PTPRD: variants seen among roughly 807,000 people sequenced by gnomAD.
PTPRD encodes receptor-type tyrosine-protein phosphatase delta.
PTPRD carries 34 observed loss-of-function variants against 214.5 expected under a neutral mutation model. That is an observed-to-expected ratio of 0.16 (90% confidence interval 0.12 to 0.21). The LOEUF (loss-of-function observed/expected upper bound fraction) is 0.21. PTPRD is among the 10% of genes least tolerant of loss of function. The pLI, the probability that PTPRD is intolerant of heterozygous loss-of-function variation, is 1.00. For missense variants in PTPRD, 2,545 were observed against 2,398.7 expected (o/e 1.06, Z -1.27); for synonymous variants, 1,128 against 845.7 (o/e 1.33, Z -5.79).
At chr9:10,504,931 A>C (rs1158633954) in intron 2 of PTPRD, among the ~76,000 whole-genome samples, 1 of 152,184 alleles carries the variant, frequency 6.6e-6, no homozygotes, top group Non-Finnish European at 1.5e-5. Flanking sequence ...GTGTCTATAA[A>C]GCTGACTTGT....
intron 2 of PTPRD, among the ~76,000 whole-genome samples, chr9:10,440,155 TAATAA>T (rs960881430): frequency 1.3e-5 from 2 of 151,612 alleles, no homozygotes; most frequent in African/African-American, 4.8e-5. Context: ...TCTGGCAATA[TAATAA>T]ATGTACTTTA....
At chr9:10,038,713 T>C (rs2097237274) in intron 3 of PTPRD, among the ~76,000 whole-genome samples, 1 of 152,090 alleles carries the variant, frequency 6.6e-6, no homozygotes, top group Non-Finnish European at 1.5e-5. Flanking sequence ...GTTGCACAAA[T>C]CAGATAATTT....
At chr9:9,822,333 C>T (rs2051062438) in intron 5 of PTPRD, among the ~76,000 whole-genome samples, 2 of 151,294 alleles carry the variant, frequency 1.3e-5, no homozygotes, top group East Asian at 1.9e-4. Context: ...ATCACTTGAA[C>T]CTGGGAGGCG....
chr9:9,713,368 A>G (rs1361810815), intron 7 of PTPRD, among the ~76,000 whole-genome samples: 2 of 152,128 alleles, frequency 1.3e-5, no homozygotes, highest in African/African-American at 2.4e-5. Context: ...CAAAAATGTC[A>G]CTCGTCCTCT....
At chr9:9,464,458 T>C (rs1480042635) in intron 8 of PTPRD, among the ~76,000 whole-genome samples, 1 of 152,242 alleles carries the variant, frequency 6.6e-6, no homozygotes, top group African/African-American at 2.4e-5. Flanking sequence ...TATCATTAAC[T>C]CTTGCCTAAT....
At chr9:8,928,419 A>G (rs2098919655) in intron 11 of PTPRD, among the ~76,000 whole-genome samples, 2 of 152,172 alleles carry the variant, frequency 1.3e-5, no homozygotes, top group Admixed American at 1.3e-4. Flanking sequence ...TTTTCTGCAT[A>G]TGGCTAGCCA....
chr9:9,538,334 A>C (rs1416045087), intron 8 of PTPRD, among the ~76,000 whole-genome samples: 1 of 152,016 alleles, frequency 6.6e-6, no homozygotes, highest in Admixed American at 6.6e-5. Context: ...TTTAGGGATA[A>C]AAACAAGTTT....
At chr9:9,025,882 T>C (rs2099585300) in intron 10 of PTPRD, among the ~76,000 whole-genome samples, 1 of 152,040 alleles carries the variant, frequency 6.6e-6, no homozygotes, top group Non-Finnish European at 1.5e-5. Context: ...CATTTATTTA[T>C]TCAACACACA....
chr9:8,659,265 G>C (rs1266712372), intron 12 of PTPRD, among the ~76,000 whole-genome samples: 2 of 152,170 alleles, frequency 1.3e-5, no homozygotes, highest in Non-Finnish European at 2.9e-5. Flanking sequence ...CACTTTGGCT[G>C]CAAGAATCTC....
In PTPRD at chr9:9,843,112, AGAGTT is replaced by A. The variant is rs144413030; in HGVS notation, c.-367-76266_-367-76262del. Among the ~76,000 whole-genome samples the A allele has an allele frequency of 2.6e-3, 399 of 152,194 alleles. 1 individual carries two copies. Among genetic ancestry groups the A allele is most frequent in the African/African-American group, 9.3e-3 (385 of 41,560 alleles). On this transcript the variant is annotated intron_variant, in intron 5 of 45. Transcript: ENST00000381196. Reference sequence around the variant, plus strand: ...ATAAAGGATTTTGGGCTATAATGTCAGAGTTAAGTTGTTACAACAGAAACCTTATG... The same window carrying A: ...ATAAAGGATTTTGGGCTATAATGTCAAAGTTGTTACAACAGAAACCTTATG...
intron 32 of PTPRD, among the ~76,000 whole-genome samples, chr9:8,461,210 C>T (rs1042956786): frequency 6.6e-5 from 10 of 151,860 alleles, no homozygotes; most frequent in South Asian, 4.1e-4. Flanking sequence ...ATTACAGATG[C>T]GAGATGTACA....
At chr9:9,552,311 T>C (rs2080475143) in intron 8 of PTPRD, among the ~76,000 whole-genome samples, 1 of 152,042 alleles carries the variant, frequency 6.6e-6, no homozygotes, top group Admixed American at 6.6e-5. Context: ...TCAGTCATTG[T>C]TTTTGCTTTT....
At chr9:9,176,166 G>A (rs1237125901) in intron 10 of PTPRD, among the ~76,000 whole-genome samples, 1 of 152,174 alleles carries the variant, frequency 6.6e-6, no homozygotes, top group Non-Finnish European at 1.5e-5. Flanking sequence ...GGCTTGATAT[G>A]TAAGAAGGTT....
At chr9:8,528,382 C>T in intron 15 of PTPRD, 1 of 624,410 alleles carries the variant, frequency 1.6e-6, no homozygotes, top group South Asian at 2.0e-5. Context: ...ACAGAAGCTG[C>T]AAAACACACA....
intron 9 of PTPRD, among the ~76,000 whole-genome samples, chr9:9,228,577 G>T (rs1465928591): frequency 6.6e-6 from 1 of 151,184 alleles, no homozygotes; most frequent in South Asian, 2.1e-4. Flanking sequence ...TGGACTTTAG[G>T]GTAAACAGGT....
At chr9:9,477,840 G>A (rs1057304675) in intron 8 of PTPRD, among the ~76,000 whole-genome samples, 13 of 152,100 alleles carry the variant, frequency 8.5e-5, no homozygotes, top group African/African-American at 3.1e-4. Context: ...CACAGCCAAT[G>A]TTAAGGAAGA....
At chr9:10,258,061 G>A (rs187206662) in intron 3 of PTPRD, among the ~76,000 whole-genome samples, 27 of 152,160 alleles carry the variant, frequency 1.8e-4, no homozygotes, top group Non-Finnish European at 3.2e-4. Context: ...TGAGTCAGTC[G>A]GTAGATTTCA....
At chr9:10,547,551 C>T (rs911501300) in intron 2 of PTPRD, among the ~76,000 whole-genome samples, 1 of 152,060 alleles carries the variant, frequency 6.6e-6, no homozygotes, top group African/African-American at 2.4e-5. Context: ...TCTTCCCTGA[C>T]ACCTACCTTA....
intron 11 of PTPRD, among the ~76,000 whole-genome samples, chr9:8,747,083 C>T (rs2092909157): frequency 1.3e-5 from 2 of 152,170 alleles, no homozygotes; most frequent in Admixed American, 1.3e-4. Flanking sequence ...ATTTCTCTAT[C>T]TTTTGTGGTG....
Sources: gnomAD v4.1 joint callset for allele counts (sites outside exome capture counted in the v4.1 genomes callset) on GRCh38, gnomAD v4.1.1 for gene constraint, MANE v1.5 for transcripts, NCBI Gene and HGNC (gene_info 2026-07-23, HGNC 2026-07-21) for gene names.